The following RFPL1 variants were observed in gnomAD, a reference collection of about 807,000 sequenced individuals.
The protein encoded by RFPL1 is ret finger protein-like 1.
A neutral mutation model predicts 9.6 loss-of-function variants in RFPL1; 6 were observed. That is an observed-to-expected ratio of 0.62 (90% confidence interval 0.34 to 1.23). The LOEUF is 1.23. RFPL1 is among the 50% of genes most tolerant of loss of function. The pLI, the probability that RFPL1 is intolerant of heterozygous loss-of-function variation, is 0.03. For missense variants in RFPL1, 352 were observed against 398.4 expected (o/e 0.88, Z 0.99); for synonymous variants, 145 against 149.4 (o/e 0.97, Z 0.22).
chr22:29,424,040 C>T, the RFPL1 span, among the ~76,000 whole-genome samples: 26,357 of 151,986 alleles, frequency 0.17, 2,434 homozygotes, highest in Non-Finnish European at 0.2. Context: ...ATTAGCTGGG[C>T]GTGGTGGTGC....
upstream of RFPL1, chr22:29,438,011 T>G: frequency 3.3e-6 from 1 of 302,564 alleles, no homozygotes; most frequent in Non-Finnish European, 5.9e-6. Flanking sequence ...CAGGTTGGAG[T>G]GACCTGGTGT....
chr22:29,408,546 G>A, the RFPL1 span, among the ~76,000 whole-genome samples: 3 of 152,350 alleles, frequency 2.0e-5, no homozygotes, highest in Admixed American at 6.5e-5. Context: ...GCGGTGTGGA[G>A]GAGAATATGA....
chr22:29,401,188 A>G, the RFPL1 span, among the ~76,000 whole-genome samples: 2 of 152,362 alleles, frequency 1.3e-5, no homozygotes, highest in Admixed American at 1.3e-4. Context: ...TTCTTATATA[A>G]CAGTTTTATT....
chr22:29,396,897 CTTTTTTTTTTTTT>C, the RFPL1 span, among the ~76,000 whole-genome samples: 3 of 72,582 alleles, frequency 4.1e-5, no homozygotes, highest in African/African-American at 2.0e-4. Context: ...CCTGAAACTT[CTTTTTTTTTTTTT>C]TTTTTTTTTT....
At chr22:29,410,393 TTGTAG>T in the RFPL1 span, among the ~76,000 whole-genome samples, 1 of 68,186 alleles carries the variant, frequency 1.5e-5, no homozygotes, top group Non-Finnish European at 2.5e-5. Context: ...GATATATATA[TTGTAG>T]ATATATATCT....
chr22:29,388,796 A>AC, the RFPL1 span, among the ~76,000 whole-genome samples: 1 of 152,186 alleles, frequency 6.6e-6, no homozygotes, highest in African/African-American at 2.4e-5. Flanking sequence ...GGTCGTAGGG[A>AC]GTTTGAAGTC....
the RFPL1 span, among the ~76,000 whole-genome samples, chr22:29,388,099 G>A: frequency 3.9e-5 from 6 of 152,206 alleles, no homozygotes; most frequent in Non-Finnish European, 5.9e-5. Flanking sequence ...CCATGGAGGT[G>A]AGTCCGAAAG....
At chr22:29,389,990 G>A in the RFPL1 span, among the ~76,000 whole-genome samples, 1 of 152,012 alleles carries the variant, frequency 6.6e-6, no homozygotes, top group South Asian at 2.1e-4. Flanking sequence ...GTAGAGGCGG[G>A]GGTTTCACCA....
chr22:29,429,265 G>A, the RFPL1 span, among the ~76,000 whole-genome samples: 37 of 152,090 alleles, frequency 2.4e-4, no homozygotes, highest in African/African-American at 8.2e-4. Context: ...TATGTTGCCC[G>A]GGCTGGTCCT....
At chr22:29,441,514 T>C in intron 1 of RFPL1, 28 bp from the exon 2 acceptor site, 1 of 1,597,118 alleles carries the variant, frequency 6.3e-7, no homozygotes, top group Non-Finnish European at 8.6e-7. Flanking sequence ...CTGTCCATTT[T>C]CTGATCAACT....
the RFPL1 span, among the ~76,000 whole-genome samples, chr22:29,415,881 G>T: frequency 1.3e-5 from 2 of 152,200 alleles, no homozygotes; most frequent in Non-Finnish European, 2.9e-5. Flanking sequence ...AGCGATTAGG[G>T]TGGGGGTTAA....
chr22:29,414,200 A>G, the RFPL1 span, among the ~76,000 whole-genome samples: 1 of 140,752 alleles, frequency 7.1e-6, no homozygotes, highest in Non-Finnish European at 1.5e-5. Flanking sequence ...AGAATTTTCC[A>G]TATAACATTC....
At chr22:29,410,284 C>CTA in the RFPL1 span, among the ~76,000 whole-genome samples, 6 of 93,656 alleles carry the variant, frequency 6.4e-5, no homozygotes, top group Admixed American at 1.3e-4. Flanking sequence ...ATATATAGAT[C>CTA]TATATATATG....
the RFPL1 span, among the ~76,000 whole-genome samples, chr22:29,409,070 T>C: frequency 6.6e-6 from 1 of 152,180 alleles, no homozygotes; most frequent in Non-Finnish European, 1.5e-5. Context: ...ACATATACTT[T>C]TTTTTTTAAA....
At chr22:29,438,089 A>C, upstream of RFPL1, 1 of 125,970 alleles carries the variant, frequency 7.9e-6, no homozygotes. Flanking sequence ...GCCCAGGCTG[A>C]TCTCAAACTC....
the RFPL1 span, among the ~76,000 whole-genome samples, chr22:29,420,786 G>T: frequency 6.6e-6 from 1 of 151,072 alleles, no homozygotes; most frequent in African/African-American, 2.4e-5. Flanking sequence ...AACTACAGGC[G>T]GGCACCATCA....
At chr22:29,419,434 G>A in the RFPL1 span, among the ~76,000 whole-genome samples, 4 of 151,920 alleles carry the variant, frequency 2.6e-5, no homozygotes, top group African/African-American at 9.7e-5. Context: ...AGGGATGACT[G>A]TTAGGACAGG....
chr22:29,442,209 T>C, exon 2 of RFPL1: 3 of 978,358 alleles, frequency 3.1e-6, no homozygotes, highest in Non-Finnish European at 3.0e-6. Flanking sequence ...AAAAGCGTTA[T>C]ACAAAGTCAT....
the RFPL1 span, chr22:29,419,167 C>T: frequency 1.7e-5 from 27 of 1,608,912 alleles, no homozygotes; most frequent in Non-Finnish European, 2.2e-5. Context: ...GACATCTTTG[C>T]CCACGGTCAT....
Sources: allele counts gnomAD v4.1 joint callset (sites outside exome capture counted in the v4.1 genomes callset), GRCh38; gene constraint gnomAD v4.1.1; transcripts MANE v1.5; gene names NCBI Gene and HGNC (gene_info 2026-07-23, HGNC 2026-07-21).